Variants in YEATS2 observed in about 807,000 individuals in gnomAD.
YEATS2 encodes YEATS domain-containing protein 2.
In YEATS2, 77 loss-of-function variants were observed where a neutral mutation model predicts 163.2. The ratio of observed to expected loss-of-function variants is 0.47; its 90% CI spans 0.39 to 0.57. The LOEUF (loss-of-function observed/expected upper bound fraction) is 0.57, where lower values mean the gene tolerates loss of function less well. Ranked by LOEUF, YEATS2 falls within the 20% of genes least tolerant of loss-of-function variation. The pLI is 0.00. For missense variants in YEATS2, 1,549 were observed against 1,729.8 expected (o/e 0.90, Z 1.85); for synonymous variants, 631 against 645.1 (o/e 0.98, Z 0.33).
chr3:183,753,988 T>G, intron 10 of YEATS2, 138 bp from the exon 11 acceptor site: 5 of 1,069,268 alleles, frequency 4.7e-6, no homozygotes, highest in Non-Finnish European at 6.5e-6. Context: ...GAAGGGATGA[T>G]TGATTGTATT....
chr3:183,699,542 G>C (rs1713845279), intron 1 of YEATS2, among the ~76,000 whole-genome samples: 1 of 150,038 alleles, frequency 6.7e-6, no homozygotes, highest in African/African-American at 2.5e-5. Context: ...GAAGGACCCC[G>C]TCTCTTAAAA....
intron 8 of YEATS2, among the ~76,000 whole-genome samples, chr3:183,738,023 TC>T (rs1295228663): frequency 6.6e-6 from 1 of 152,158 alleles, no homozygotes; most frequent in African/African-American, 2.4e-5. Flanking sequence ...GTTTTGATGA[TC>T]CTGTGATCAG....
chr3:183,809,907 C>G (rs1726623091), intron 30 of YEATS2: 1 of 153,088 alleles, frequency 6.5e-6, no homozygotes. Context: ...ATATATCAGA[C>G]AACATAGGCG....
At chr3:183,774,447 GAA>G (rs1460789177) in intron 17 of YEATS2, among the ~76,000 whole-genome samples, 5 of 152,252 alleles carry the variant, frequency 3.3e-5, no homozygotes, top group Admixed American at 3.3e-4. Flanking sequence ...CCAATTCATG[GAA>G]AAGTTGTCTT....
At chr3:183,762,812 G>A (rs533631454) in intron 15 of YEATS2, among the ~76,000 whole-genome samples, 1 of 152,156 alleles carries the variant, frequency 6.6e-6, no homozygotes, top group South Asian at 2.1e-4. Context: ...AGCACTTTAG[G>A]AGGCTGAGGC....
At chr3:183,707,975 C>T (rs1249396210) in intron 1 of YEATS2, among the ~76,000 whole-genome samples, 11 of 151,836 alleles carry the variant, frequency 7.2e-5, no homozygotes, top group Admixed American at 4.6e-4. Flanking sequence ...GCATGCCCGG[C>T]GTCCCCCTCC....
intron 21 of YEATS2, among the ~76,000 whole-genome samples, chr3:183,795,310 CAG>C (rs1725032807): frequency 6.6e-6 from 1 of 151,742 alleles, no homozygotes; most frequent in African/African-American, 2.4e-5. Flanking sequence ...ATTTTTAGAG[CAG>C]AGTCTTGCTC....
chr3:183,790,885 C>T lies in YEATS2; in HGVS notation c.3002C>T (p.Thr1001Ile). ...GQQQVCVSQA[T>I]VGTCKAATPT... ...CAGCAAGTGTGTGTGAGCCAGGCCACCGTGGGAACCTGCAAGGCTGCCACC... is the reference window on the plus strand; with the variant it reads ...CAGCAAGTGTGTGTGAGCCAGGCCATCGTGGGAACCTGCAAGGCTGCCACC... Residue 1001 changes from threonine (T) to isoleucine (I), a missense_variant, in exon 21 of 31, where the codon ACC (threonine) becomes ATC (isoleucine). Thr to Ile is a moderately conservative substitution (Grantham distance 89). Coordinates refer to ENST00000305135, the MANE Select transcript of YEATS2 (RefSeq NM_018023.5). 1 of 1,614,166 alleles carries T rather than the reference C, an allele frequency of 6.2e-7. No homozygotes were observed. The highest frequency in any genetic ancestry group is 8.5e-7 in the Non-Finnish European group (1 of 1,180,024).
At chr3:183,802,520 TATATATATAC>T (rs1725776926) in intron 25 of YEATS2, 2 of 151,726 alleles carry the variant, frequency 1.3e-5, no homozygotes, top group Admixed American at 1.3e-4. Context: ...TATACATGTA[TATATATATAC>T]ACGTGTATAT....
chr3:183,789,307 G>GGGTCTAGTTTCATTCTT (rs752267640), intron 20 of YEATS2, among the ~76,000 whole-genome samples: 2 of 151,916 alleles, frequency 1.3e-5, no homozygotes, highest in Non-Finnish European at 1.5e-5. Flanking sequence ...TGAGAGCTAG[G>GGGTCTAGTTTCATTCTT]GGTCTAGTTT....
chr3:183,714,197 ATT>A (rs761078586), intron 1 of YEATS2, among the ~76,000 whole-genome samples: 7 of 138,486 alleles, frequency 5.1e-5, no homozygotes, highest in Non-Finnish European at 3.2e-5. Flanking sequence ...GATTTATGGG[ATT>A]TTTTTTTTTT....
chr3:183,778,345 G>A (rs1423437996), intron 19 of YEATS2, among the ~76,000 whole-genome samples: 2 of 152,164 alleles, frequency 1.3e-5, no homozygotes, highest in Non-Finnish European at 2.9e-5. Flanking sequence ...CACACTATTT[G>A]TGAGAAAGAA....
At chr3:183,794,618 T>C (rs1184165308) in intron 21 of YEATS2, among the ~76,000 whole-genome samples, 3 of 152,206 alleles carry the variant, frequency 2.0e-5, no homozygotes, top group African/African-American at 7.2e-5. Flanking sequence ...GTGTTAAAAA[T>C]GCGTGACCGG....
chr3:183,803,732 G>C, intron 26 of YEATS2: 1 of 525,476 alleles, frequency 1.9e-6, no homozygotes. Context: ...TGGGGTAGGA[G>C]GGGAGTGGGA....
At chr3:183,767,341 TC>T in intron 15 of YEATS2, among the ~76,000 whole-genome samples, 1 of 152,028 alleles carries the variant, frequency 6.6e-6, no homozygotes, top group Non-Finnish European at 1.5e-5. Context: ...TACTCCTACT[TC>T]AGCCTTAGCT....
Position 183,761,603 on chromosome 3 carries a change from G to C in YEATS2, c.1753G>C (p.Ala585Pro), listed in dbSNP as rs746377552. Residue 585 changes from alanine (A) to proline (P), a missense_variant, in exon 14 of 31, where the codon GCT (alanine) becomes CCT (proline). Coordinates refer to ENST00000305135, the MANE Select transcript of YEATS2 (RefSeq NM_018023.5). Reference protein sequence around the residue: ...SPKPITGGLGAFTKVIIKQEP... With the variant: ...SPKPITGGLGPFTKVIIKQEP... ...CAAACCTATAACAGGAGGACTTGGAGCTTTCACAAAAGTGAGTATGTATTA... is the reference window on the plus strand; with the variant it reads ...CAAACCTATAACAGGAGGACTTGGACCTTTCACAAAAGTGAGTATGTATTA... 1 of 1,614,086 alleles carries C rather than the reference G, an allele frequency of 6.2e-7. No individual in the cohort carries two copies. The highest frequency in any genetic ancestry group is 1.1e-5 in the South Asian group (1 of 91,090).
At chr3:183,808,836 C>A (rs263026) in intron 29 of YEATS2, 158,850 of 338,154 alleles carry the variant, frequency 0.47, 38,496 homozygotes, top group East Asian at 0.66. Flanking sequence ...AGCCTGGGCG[C>A]GAGAGTGAGA....
intron 21 of YEATS2, among the ~76,000 whole-genome samples, chr3:183,794,889 G>C (rs1358929096): frequency 1.3e-5 from 2 of 152,200 alleles, no homozygotes; most frequent in East Asian, 1.9e-4. Context: ...CCATCTAGGG[G>C]CTGGGTGCAG....
chr3:183,775,945 G>A lies in YEATS2; in HGVS notation c.2399G>A (p.Gly800Glu), dbSNP rs768230580. The A allele has an allele frequency of 8.7e-6, 14 of 1,602,968 alleles. No homozygotes were observed. The African/African-American group carries it at 2.0e-4, about 22-fold the overall frequency. Residue 800 changes from glycine to glutamate, a missense_variant, in exon 18 of 31, where the codon GGG (glycine) becomes GAG (glutamate). Physicochemically the swap from Gly to Glu is moderately conservative, Grantham distance 98. Transcript: ENST00000305135. ...NLQSGSAASGGSGAGGGGGGG... is the reference protein window; with the variant it reads ...NLQSGSAASGESGAGGGGGGG... ...CAGTCTGGCTCAGCTGCCAGTGGTG[G>A]GAGTGGTGCCGGAGGAGGAGGAGGA...
Sources: allele counts gnomAD v4.1 joint callset (sites outside exome capture counted in the v4.1 genomes callset), GRCh38; gene constraint gnomAD v4.1.1; transcripts MANE v1.5; gene names NCBI Gene and HGNC (gene_info 2026-07-23, HGNC 2026-07-21).